HJURP: variants seen among roughly 807,000 people sequenced by gnomAD.
HJURP encodes 14-3-3-associated AKT substrate.
In HJURP, 49 loss-of-function variants were observed where a neutral mutation model predicts 72.0. The ratio of observed to expected loss-of-function variants is 0.68; its 90% CI spans 0.54 to 0.86. The LOEUF (loss-of-function observed/expected upper bound fraction) is 0.86. Among genes scored for constraint, HJURP ranks in the 40% least tolerant of loss-of-function variants. The pLI is 0.00. For synonymous variants in HJURP, 357 were observed against 347.1 expected, an observed-to-expected ratio of 1.03 and a Z score of -0.32; for missense variants, 908 against 936.3, an observed-to-expected ratio of 0.97 and a Z score of 0.39.
chr2:233,837,982 G>C (rs2124956020), intron 8 of HJURP, among the ~76,000 whole-genome samples: 1 of 152,320 alleles, frequency 6.6e-6, no homozygotes, highest in Non-Finnish European at 1.5e-5. Flanking sequence ...TAAAAGGAGA[G>C]ACAGCCTGCC....
chr2:233,838,877 A>C (rs772868845), intron 8 of HJURP, among the ~76,000 whole-genome samples: 1 of 152,202 alleles, frequency 6.6e-6, no homozygotes, highest in African/African-American at 2.4e-5. Context: ...GTTTGGTCTG[A>C]AAAAGCCCCA....
chr2:233,852,691 C>T (rs528743114), intron 2 of HJURP, 71 bp from the exon 3 acceptor site: 7 of 1,146,892 alleles, frequency 6.1e-6, no homozygotes, highest in Admixed American at 3.7e-5. Flanking sequence ...TCTGTGTTCA[C>T]CAGATGCCAA....
intron 2 of HJURP, 98 bp downstream of exon 2, chr2:233,853,746 G>C (rs925647756): frequency 1.0e-6 from 1 of 977,272 alleles, no homozygotes; most frequent in Non-Finnish European, 1.6e-6. Flanking sequence ...TATTAGTTAG[G>C]TGAACAATGT....
At chr2:233,839,890 G>A (rs777229760) in intron 8 of HJURP, among the ~76,000 whole-genome samples, 9 of 152,164 alleles carry the variant, frequency 5.9e-5, no homozygotes, top group Non-Finnish European at 1.0e-4. Context: ...GTCCACCTGT[G>A]GGTTAAGAAA....
Position 233,841,094 on chromosome 2 carries a change from A to G in HJURP, c.1686T>C (p.Leu562=). ...CTGGCACTTCTTTATCTGGGACTGA[A>G]AGAGTTTTGCTGGGTGACACTGACT... ...FRKSVSPSKT[L]SVPDKEVPGH... is the part of the protein sequence containing the mutation. The change falls in exon 8 of 9, where the codon CTT becomes CTC. Residue 562 remains leucine, a synonymous_variant. Coordinates refer to ENST00000411486, the MANE Select transcript of HJURP (RefSeq NM_018410.5). 6.2e-7 allele frequency: 1 copy of G among 1,614,162 alleles called. No homozygotes were observed. The highest frequency in any genetic ancestry group is 8.5e-7 in the Non-Finnish European group (1 of 1,180,032).
At position 233,841,434 on chromosome 2, in the gene HJURP, G is replaced by C. The variant is rs774253610; in HGVS notation, c.1346C>G (p.Pro449Arg). 3.7e-6 allele frequency: 6 copies of C among 1,614,124 alleles called. No individual in the cohort carries two copies. The highest frequency in any genetic ancestry group is 5.1e-6 in the Non-Finnish European group (6 of 1,180,018). Residue 449 changes from proline (P) to arginine (R), a missense_variant, in exon 8 of 9, where the codon CCC (proline) becomes CGC (arginine). Transcript: ENST00000411486. ...DQLHREYCLS[P>R]RNQPRRMCLP... ...GCACATCCGGCGAGGCTGGTTCCTG[G>C]GACTCAGGCAATATTCCCGATGAAG...
Position 233,846,873 on chromosome 2 carries a change from A to G in HJURP, c.402+524T>C, listed in dbSNP as rs947251470. Among the ~76,000 whole-genome samples the G allele has an allele frequency of 1.3e-5, 2 of 152,198 alleles. No homozygotes were observed. Among genetic ancestry groups the G allele is most frequent in the African/African-American group, 4.8e-5 (2 of 41,468 alleles). On this transcript the variant is annotated intron_variant, in intron 5 of 8. Coordinates refer to ENST00000411486, the MANE Select transcript of HJURP (RefSeq NM_018410.5). The surrounding 1 kb of genome is among the most constrained non-coding windows in gnomAD (Gnocchi z 4.3). ...CCAAGGAGGATAAGAAGCACATCCC[A>G]TAAGAAAACGGGTGGTTTCTGTGAC...
chr2:233,840,812 A>C lies in HJURP; in HGVS notation c.1968T>G (p.Ile656Met). 1 of 1,613,572 alleles carries C rather than the reference A, an allele frequency of 6.2e-7. No individual in the cohort carries two copies. The highest frequency in any genetic ancestry group is 1.1e-5 in the South Asian group (1 of 91,034). ...CAACACATGTAGATGAAGGAGCCTCAATTGCAGTTGAGCCCAGTAGACTTT... is the reference window on the plus strand; with the variant it reads ...CAACACATGTAGATGAAGGAGCCTCCATTGCAGTTGAGCCCAGTAGACTTT... ...CRKSLLGSTAIEAPSSTCVAR... is the reference protein window; with the variant it reads ...CRKSLLGSTAMEAPSSTCVAR... Residue 656 changes from isoleucine to methionine, a missense_variant, in exon 8 of 9, where the codon ATT becomes ATG. Physicochemically the swap from Ile to Met is conservative, Grantham distance 10. This residue lies in a region of HJURP where 598 missense variants were observed against 619.5 expected (regional missense o/e 0.97). Transcript: ENST00000411486.
Position 233,837,360 on chromosome 2 carries a change from T to A in HJURP, c.*217A>T. 6 of 369,696 alleles carry A rather than the reference T, an allele frequency of 1.6e-5. No homozygotes were observed. Among genetic ancestry groups the A allele is most frequent in the East Asian group, 4.4e-5 (1 of 22,812 alleles). 22.9% of individuals were successfully genotyped at this position (369,696 alleles called of 1,614,324 possible). ...AACACACACATCAGAAAAACAGGCC[T>A]ATCAAAGAGAACCCTAAAAATTCTA... On this transcript the variant is annotated 3_prime_UTR_variant, in exon 9 of 9. Transcript: ENST00000411486.
At position 233,850,168 on chromosome 2, in the gene HJURP, G is replaced by C. The variant is rs191052271; in HGVS notation, c.241-309C>G. 3.6e-3 allele frequency among the ~76,000 whole-genome samples: 542 copies of C among 152,342 alleles called. 4 individuals are homozygous for C. The highest frequency in any genetic ancestry group is 6.4e-3 in the Non-Finnish European group (432 of 68,022). Reference sequence around the variant, plus strand: ...CTAACAGTGGCCCAGGGATGACAGGGACTGGGGCAAACAAAAAGCCAAATT... The same window carrying C: ...CTAACAGTGGCCCAGGGATGACAGGCACTGGGGCAAACAAAAAGCCAAATT... On this transcript the variant is annotated intron_variant, in intron 3 of 8. Coordinates refer to ENST00000411486, the MANE Select transcript of HJURP (RefSeq NM_018410.5).
Position 233,845,162 on chromosome 2 carries a change from T to C in HJURP, c.495+566A>G, listed in dbSNP as rs149552870. ...CCGTGTGTGGCCCCAATAGATTTTTTTTTTTTTGAGATAGAGTCTTGCTCT... is the reference window on the plus strand; with the variant it reads ...CCGTGTGTGGCCCCAATAGATTTTTCTTTTTTTGAGATAGAGTCTTGCTCT... On this transcript the variant is annotated intron_variant, in intron 6 of 8. Transcript: ENST00000411486. Among the ~76,000 whole-genome samples, 463 of 152,030 alleles carry C rather than the reference T, an allele frequency of 3.0e-3. 2 individuals carry two copies. Among genetic ancestry groups the C allele is most frequent in the African/African-American group, 0.011 (444 of 41,466 alleles).
At chr2:233,854,259 C>G in intron 1 of HJURP, 125 bp downstream of exon 1, 1 of 655,308 alleles carries the variant, frequency 1.5e-6, no homozygotes, top group Non-Finnish European at 2.6e-6. Flanking sequence ...CATCCAAGCC[C>G]CAGTCCCGCT....
chr2:233,841,027 C>T lies in HJURP; in HGVS notation c.1753G>A (p.Asp585Asn), dbSNP rs146575864. 634 of 1,614,220 alleles carry T rather than the reference C, an allele frequency of 3.9e-4. 1 individual carries two copies. The highest frequency in any genetic ancestry group is 9.2e-4 in the Admixed American group (55 of 60,030). ...AGGCAATACTTTTGATGAAGCTTGT[C>T]AAATTCTTCTTTAATTTCATCGTAA... ...NRYDEIKEEF[D>N]KLHQKYCLKS... Residue 585 changes from aspartate to asparagine, a missense_variant, in exon 8 of 9, where the codon GAC becomes AAC. Physicochemically the swap from Asp to Asn is conservative, Grantham distance 23. This residue lies in a region of HJURP where 598 missense variants were observed against 619.5 expected (regional missense o/e 0.97). Transcript: ENST00000411486.
At chr2:233,845,982 T>G (rs899768135) in intron 5 of HJURP, 162 bp from the exon 6 acceptor site, 11 of 564,960 alleles carry the variant, frequency 1.9e-5, no homozygotes, top group African/African-American at 1.7e-4. Context: ...ACTTTTTCAC[T>G]TCCTGCTATG....
rs756814267 is a variant in HJURP, at chr2:233,841,333, G to A, written c.1447C>T (p.Arg483Cys). 1.2e-5 allele frequency: 19 copies of A among 1,614,044 alleles called. No homozygotes were observed. The highest frequency in any genetic ancestry group is 2.2e-5 in the East Asian group (1 of 44,896). ...SPGGLQGLET[R>C]RLSLPSSKAK... ...TTGCTGGAAGGTAAACTCAGCCTGC[G>A]GGTTTCTAAGCCCTGAAGGCCACCA... The change falls in exon 8 of 9, where the codon CGC becomes TGC. Residue 483 changes from arginine to cysteine, a missense_variant. By Grantham distance (180) the Arg-to-Cys change is radical. Transcript: ENST00000411486.
intron 2 of HJURP, among the ~76,000 whole-genome samples, chr2:233,853,309 C>T (rs944170610): frequency 6.6e-6 from 1 of 152,218 alleles, no homozygotes; most frequent in African/African-American, 2.4e-5. Flanking sequence ...AAAGAATCCA[C>T]AAGATTTCAG....
intron 7 of HJURP, among the ~76,000 whole-genome samples, chr2:233,843,675 C>A (rs28900707): frequency 6.6e-6 from 1 of 152,056 alleles, no homozygotes; most frequent in Non-Finnish European, 1.5e-5. Context: ...GGTCCGGAAA[C>A]GATCAGGCAA....
Position 233,840,609 on chromosome 2 carries a change from C to T in HJURP, c.2171G>A (p.Arg724Lys). The stretch of plus-strand genomic sequence containing the variant: ...ATTCAACCAACAGAAACACACCTAC[C>T]TCTCTTCTGAGTTGGGCTGTGAAGA... ...GSSSQPNSEE[R>K]GENTSYRMEE... The change falls in exon 8 of 9, where the codon AGA (arginine) becomes AAA (lysine). Residue 724 changes from arginine to lysine, a missense_variant and splice_region_variant. Transcript: ENST00000411486. 1.9e-6 allele frequency: 3 copies of T among 1,577,738 alleles called. No homozygotes were observed. The highest frequency in any genetic ancestry group is 2.6e-6 in the Non-Finnish European group (3 of 1,166,738).
chr2:233,847,821 G>A (rs763247559), intron 4 of HJURP, among the ~76,000 whole-genome samples: 3 of 152,198 alleles, frequency 2.0e-5, no homozygotes, highest in East Asian at 1.9e-4. Flanking sequence ...TAGCCACACC[G>A]GGCTACTGAA....
Sources: gnomAD v4.1 joint callset for allele counts (sites outside exome capture counted in the v4.1 genomes callset) on GRCh38, gnomAD v4.1.1 for gene constraint, gnomAD v4.1.1 regional missense constraint, Gnocchi (gnomAD v3.1) non-coding constraint, MANE v1.5 for transcripts, NCBI Gene and HGNC (gene_info 2026-07-23, HGNC 2026-07-21) for gene names.